CDH8: variants seen among roughly 807,000 people sequenced by gnomAD.
CDH8 encodes the protein cadherin 8, also known as cadherin-8.
Under a neutral mutation model 68.1 loss-of-function variants are expected in CDH8, and 17 were observed. The ratio of observed to expected loss-of-function variants is 0.25; its 90% CI spans 0.17 to 0.37. CDH8 has a LOEUF of 0.37. Among genes scored for constraint, CDH8 ranks in the 10% least tolerant of loss-of-function variants. The pLI is 1.00. For missense variants in CDH8, 763 were observed against 999.3 expected (o/e 0.76, Z 3.19); for synonymous variants, 372 against 365.1 (o/e 1.02, Z -0.21).
intron 2 of CDH8, among the ~76,000 whole-genome samples, chr16:61,974,599 C>A (rs1310043145): frequency 5.9e-5 from 9 of 152,090 alleles, no homozygotes; most frequent in African/African-American, 2.2e-4. Flanking sequence ...TTGTAGATAT[C>A]CTTAGATTTT....
At chr16:61,733,781 A>T (rs1046422463) in intron 8 of CDH8, among the ~76,000 whole-genome samples, 2 of 151,932 alleles carry the variant, frequency 1.3e-5, no homozygotes, top group Non-Finnish European at 2.9e-5. Flanking sequence ...GCCCTAAAAC[A>T]TTCTTTTCAA....
rs1963257543 is a variant in CDH8 at position 61,648,692 on chromosome 16, T to C, written c.*4916A>G. 6.6e-6 allele frequency: 1 copy of C among 151,956 alleles called. No individual in the cohort carries two copies. The highest frequency in any genetic ancestry group is 2.4e-5 in the African/African-American group (1 of 41,434). 9.4% of individuals were successfully genotyped at this position (151,956 alleles called of 1,614,324 possible). A position where few individuals can be genotyped will look rare whatever the true frequency, so the allele number is the denominator to read the frequency against. ...ATAAAGAAAATAAGTTTGAGAATGC[T>C]ACTGTATTTAATCTTTCTGTATCAA... On this transcript the variant is annotated 3_prime_UTR_variant, in exon 12 of 12. Coordinates refer to ENST00000577390, the MANE Select transcript of CDH8 (RefSeq NM_001796.5).
In CDH8 at chr16:61,660,210, A is replaced by G. The variant is rs571244979; in HGVS notation, c.1655-4489T>C. 1.3e-5 allele frequency among the ~76,000 whole-genome samples: 2 copies of G among 152,254 alleles called. 1 individual carries two copies. Among genetic ancestry groups the G allele is most frequent in the Admixed American group, 1.3e-4 (2 of 15,286 alleles). ...TTCCCAGTTTTGCTATATTATCTAA[A>G]ATGCCTAGTTTCCAACAGAAGATTA... On this transcript the variant is annotated intron_variant, in intron 10 of 11. Coordinates refer to ENST00000577390, the MANE Select transcript of CDH8 (RefSeq NM_001796.5).
At chr16:61,799,227 C>T (rs1400366920) in intron 7 of CDH8, among the ~76,000 whole-genome samples, 6 of 152,128 alleles carry the variant, frequency 3.9e-5, no homozygotes, top group Non-Finnish European at 5.9e-5. Flanking sequence ...TTGATCGTGC[C>T]TGTCATACTT....
intron 2 of CDH8, among the ~76,000 whole-genome samples, chr16:62,017,996 C>T (rs1040895857): frequency 6.6e-6 from 1 of 152,192 alleles, no homozygotes; most frequent in African/African-American, 2.4e-5. Flanking sequence ...AACACATACA[C>T]ACACACATAC....
chr16:61,691,478 T>A (rs1014037273), intron 10 of CDH8, among the ~76,000 whole-genome samples: 1 of 151,974 alleles, frequency 6.6e-6, no homozygotes, highest in African/African-American at 2.4e-5. Context: ...AATTCTTCAT[T>A]GTGCCTCTGT....
intron 2 of CDH8, among the ~76,000 whole-genome samples, chr16:61,947,297 G>C (rs2143567871): frequency 6.6e-6 from 1 of 152,284 alleles, no homozygotes; most frequent in African/African-American, 2.4e-5. Context: ...AAAACAGTTT[G>C]AATTAAAAAT....
chr16:61,735,369 T>G (rs187169845), intron 8 of CDH8, among the ~76,000 whole-genome samples: 1 of 152,130 alleles, frequency 6.6e-6, no homozygotes, highest in Non-Finnish European at 1.5e-5. Flanking sequence ...AACAGAGATA[T>G]GCGACATTAA....
intron 2 of CDH8, among the ~76,000 whole-genome samples, chr16:61,928,191 T>C (rs1597071790): frequency 6.6e-6 from 1 of 152,194 alleles, no homozygotes; most frequent in South Asian, 2.1e-4. Context: ...AATAAGACAG[T>C]AACCAAATTT....
intron 8 of CDH8, among the ~76,000 whole-genome samples, chr16:61,733,811 T>C (rs1398978840): frequency 6.6e-6 from 1 of 152,052 alleles, no homozygotes; most frequent in Non-Finnish European, 1.5e-5. Context: ...GTTTAAATTG[T>C]AACTCGTTGA....
intron 8 of CDH8, among the ~76,000 whole-genome samples, chr16:61,782,814 C>A (rs989522712): frequency 1.3e-5 from 2 of 152,114 alleles, no homozygotes; most frequent in African/African-American, 2.4e-5. Flanking sequence ...GGGAGGCACC[C>A]CCCAGCAGGG....
chr16:61,765,771 C>T (rs1960574960), intron 8 of CDH8, among the ~76,000 whole-genome samples: 1 of 151,696 alleles, frequency 6.6e-6, no homozygotes, highest in Non-Finnish European at 1.5e-5. Flanking sequence ...AAGGCTGATT[C>T]CGTGGTAGAA....
At chr16:61,961,619 C>G (rs536671699) in intron 2 of CDH8, among the ~76,000 whole-genome samples, 2 of 152,284 alleles carry the variant, frequency 1.3e-5, no homozygotes, top group Admixed American at 1.3e-4. Context: ...GTTTACTACT[C>G]TTTATCTCCT....
chr16:61,991,655 G>T (rs991929699), intron 2 of CDH8, among the ~76,000 whole-genome samples: 3 of 152,188 alleles, frequency 2.0e-5, no homozygotes, highest in Admixed American at 1.3e-4. Context: ...TCATGCTCAA[G>T]CCGGTGTGCC....
At chr16:61,727,297 G>T in intron 8 of CDH8, 82 bp from the exon 9 acceptor site, 1 of 1,396,602 alleles carries the variant, frequency 7.2e-7, no homozygotes, top group Non-Finnish European at 9.8e-7. Context: ...AAGCATGTGT[G>T]TCTGTTTCCA....
At chr16:61,688,701 G>A (rs990454452) in intron 10 of CDH8, among the ~76,000 whole-genome samples, 1 of 151,856 alleles carries the variant, frequency 6.6e-6, no homozygotes, top group Non-Finnish European at 1.5e-5. Context: ...TCAGGCAAGG[G>A]ATGTCGTCTA....
In CDH8 at chr16:61,920,029, C is replaced by T. The variant is rs1403343632; in HGVS notation, c.253-18556G>A. 6.0e-5 allele frequency among the ~76,000 whole-genome samples: 9 copies of T among 150,840 alleles called. 1 individual carries two copies. Among genetic ancestry groups the T allele is most frequent in the African/African-American group, 2.2e-4 (9 of 40,948 alleles). On this transcript the variant is annotated intron_variant, in intron 2 of 11. Transcript: ENST00000577390. ...AGGATTCCCTATTTAATAAATGGTG[C>T]TGGGAAAACTGGCTAGCCATATGTA...
At chr16:61,811,223 GAATT>G (rs1961940427) in intron 7 of CDH8, among the ~76,000 whole-genome samples, 1 of 152,020 alleles carries the variant, frequency 6.6e-6, no homozygotes, top group South Asian at 2.1e-4. Flanking sequence ...ATGAATAAAT[GAATT>G]AATGTGAATG....
At chr16:61,698,729 T>C (rs1402277890) in intron 10 of CDH8, among the ~76,000 whole-genome samples, 1 of 152,178 alleles carries the variant, frequency 6.6e-6, no homozygotes, top group East Asian at 1.9e-4. Context: ...CACGACCAGG[T>C]TTGGCCTTCA....
Sources: gnomAD v4.1 joint callset for allele counts (sites outside exome capture counted in the v4.1 genomes callset) on GRCh38, gnomAD v4.1.1 for gene constraint, MANE v1.5 for transcripts, NCBI Gene and HGNC (gene_info 2026-07-23, HGNC 2026-07-21) for gene names.